The following PDHB variants were observed in gnomAD, a reference collection of about 807,000 sequenced individuals.
PDHB encodes pyruvate dehydrogenase E1 component subunit beta, mitochondrial.
A neutral mutation model predicts 42.8 loss-of-function variants in PDHB; 17 were observed. That is an observed-to-expected ratio of 0.40 (90% CI 0.27 to 0.60). The LOEUF is 0.60. PDHB is among the 20% of genes least tolerant of loss of function. The pLI, the probability that PDHB is intolerant of heterozygous loss-of-function variation, is 0.46. For missense variants in PDHB, 322 were observed against 451.3 expected, an observed-to-expected ratio of 0.71 and a Z score of 2.60; for synonymous variants, 154 against 148.7, an observed-to-expected ratio of 1.04 and a Z score of -0.26.
At position 58,431,878 on chromosome 3, in the gene PDHB, T is replaced by G. The variant is rs200879699; in HGVS notation, c.203A>C (p.Lys68Thr). 6.2e-7 allele frequency: 1 copy of G among 1,610,288 alleles called. No individual in the cohort carries two copies. Among genetic ancestry groups the G allele is most frequent in the South Asian group, 1.1e-5 (1 of 91,016 alleles). ...EEVAQYDGAY[K>T]VSRGLWKKYG... The stretch of plus-strand genomic sequence containing the variant: ...ATAACTTTCATATATTTTAGTTACC[T>G]TGTATGCCCCATCATACTGGGCAAC... The change falls in exon 3 of 10, where the codon AAG becomes ACG. Residue 68 changes from lysine to threonine, a missense_variant and splice_region_variant. Around this residue, in one of 3 missense-constraint regions of PDHB, gnomAD observed 56 missense variants for 124.2 expected, o/e 0.45. Transcript: ENST00000302746. The surrounding 1 kb of genome is among the most constrained non-coding windows in gnomAD (Gnocchi z 4.4).
chr3:58,430,826 C>T lies in PDHB; in HGVS notation c.420G>A (p.Val140=), dbSNP rs752332234. The change falls in exon 6 of 10, where the codon GTG becomes GTA. Residue 140 remains valine, a synonymous_variant. Transcript: ENST00000302746. ...TYYMSGGLQP[V]PIVFRGPNGA... The stretch of plus-strand genomic sequence containing the variant: ...CATTGGGCCCTCTGAAGACTATAGG[C>T]ACAGGCTGAAGGCCACCAGACATGT... The T allele has an allele frequency of 6.2e-7, 1 of 1,614,176 alleles. No homozygotes were observed. The highest frequency in any genetic ancestry group is 8.5e-7 in the Non-Finnish European group (1 of 1,180,006).
chr3:58,432,079 C>A (rs1010841741), intron 2 of PDHB, 95 bp from the exon 3 acceptor site: 8 of 819,602 alleles, frequency 9.8e-6, no homozygotes, highest in Middle Eastern at 2.2e-4. Flanking sequence ...CCACAGCATA[C>A]AATATAAAAA....
intron 6 of PDHB, 104 bp downstream of exon 6, chr3:58,430,553 G>T: frequency 1.1e-6 from 1 of 920,432 alleles, no homozygotes; most frequent in Non-Finnish European, 1.8e-6. Flanking sequence ...CATTCTATAC[G>T]ATATATCTAA....
Position 58,431,796 on chromosome 3 carries a change from A to G in PDHB, c.205-3T>C, listed in dbSNP as rs1377304779. 5 of 1,612,946 alleles carry G rather than the reference A, an allele frequency of 3.1e-6. No individual in the cohort carries two copies. In the African/African-American group the frequency reaches 6.7e-5, roughly 22 times the overall value. On this transcript the variant is annotated splice_region_variant and splice_polypyrimidine_tract_variant and intron_variant, in intron 3 of 9. Transcript: ENST00000302746. The surrounding 1 kb of genome is among the most constrained non-coding windows in gnomAD (Gnocchi z 4.4). ...TTCTTCCACAGCCCTCGACTAACCT[A>G]CAATTAAGAGTTGATCCCTTAAGTG...
Position 58,430,770 on chromosome 3 carries a change from G to A in PDHB, c.476C>T (p.Ser159Leu). 2 of 1,613,910 alleles carry A rather than the reference G, an allele frequency of 1.2e-6. No individual in the cohort carries two copies. The highest frequency in any genetic ancestry group is 1.7e-6 in the Non-Finnish European group (2 of 1,179,730). ...GASAGVAAQH[S>L]QCFAAWYGHC... ...CCCATACCAGGCAGCAAAGCACTGTGAGTGCTGGGCAGCTACACCTGCTGA... is the reference window on the plus strand; with the variant it reads ...CCCATACCAGGCAGCAAAGCACTGTAAGTGCTGGGCAGCTACACCTGCTGA... The change falls in exon 6 of 10, where the codon TCA (serine) becomes TTA (leucine). Residue 159 changes from serine to leucine, a missense_variant. Ser to Leu is a moderately radical substitution (Grantham distance 145). Around this residue, in one of 3 missense-constraint regions of PDHB, gnomAD observed 208 missense variants for 285.0 expected, o/e 0.73. Coordinates refer to ENST00000302746, the MANE Select transcript of PDHB (RefSeq NM_000925.4).
At position 58,431,622 on chromosome 3, in the gene PDHB, AGCC is replaced by A. The variant is rs1392237933; in HGVS notation, c.271_273del (p.Gly91del). 2 of 1,608,712 alleles carry A rather than the reference AGCC, an allele frequency of 1.2e-6. No homozygotes were observed. Among genetic ancestry groups the A allele is most frequent in the Non-Finnish European group, 1.7e-6 (2 of 1,176,050 alleles). On this transcript the variant is annotated inframe_deletion, in exon 5 of 10. Transcript: ENST00000302746. This position sits in a 1 kb window ranked among gnomAD's most constrained non-coding sequence, Gnocchi z 4.4. ...GCTGCACCTACAGCAATTCCAGCAAAGCCCATCTATAAAGTAAAATATAAACAT... is the reference window on the plus strand; with the variant it reads ...GCTGCACCTACAGCAATTCCAGCAAACATCTATAAAGTAAAATATAAACAT...
chr3:58,429,057 G>A (rs35021151), intron 8 of PDHB, among the ~76,000 whole-genome samples: 3,510 of 152,156 alleles, frequency 0.023, 52 homozygotes, highest in Non-Finnish European at 0.032. Context: ...GTTTCAACAT[G>A]TTGGCCAGAC....
chr3:58,428,752 A>G, intron 8 of PDHB, 138 bp from the exon 9 acceptor site: 1 of 748,014 alleles, frequency 1.3e-6, no homozygotes, highest in Non-Finnish European at 2.2e-6. Context: ...ATACCTATTC[A>G]TGAATGTACA....
chr3:58,428,904 G>C (rs962240549), intron 8 of PDHB: 3 of 392,408 alleles, frequency 7.6e-6, no homozygotes, highest in South Asian at 5.0e-5. Context: ...GTCCAGGCTG[G>C]AGTGCAGTGG....
Position 58,431,266 on chromosome 3 carries a change from G to C in PDHB, c.304-324C>G. 2.2e-6 allele frequency: 1 copy of C among 461,078 alleles called. No homozygotes were observed. The highest frequency in any genetic ancestry group is 3.9e-6 in the Non-Finnish European group (1 of 253,552). The allele number at this position is 461,078 out of a possible 1,614,324, so 28.6% of individuals were successfully genotyped here. ...TAAAAGGTGATGTTAAATCTCTTTGGGGATGGGCACAGTGGCTCACGCCTG... is the reference window on the plus strand; with the variant it reads ...TAAAAGGTGATGTTAAATCTCTTTGCGGATGGGCACAGTGGCTCACGCCTG... On this transcript the variant is annotated intron_variant, in intron 5 of 9. Coordinates refer to ENST00000302746, the MANE Select transcript of PDHB (RefSeq NM_000925.4). The surrounding 1 kb of genome is among the most constrained non-coding windows in gnomAD (Gnocchi z 4.4).
At chr3:58,432,945 G>A (rs1158290192) in intron 2 of PDHB, 1 of 152,706 alleles carries the variant, frequency 6.5e-6, no homozygotes, top group Non-Finnish European at 1.5e-5. Flanking sequence ...GTTGCAGTGA[G>A]CTGAGATCGC....
At position 58,430,764 on chromosome 3, in the gene PDHB, C is replaced by G; in HGVS notation, c.482G>C (p.Cys161Ser). The change falls in exon 6 of 10, where the codon TGC becomes TCC. Residue 161 changes from cysteine to serine, a missense_variant. Cys to Ser is a moderately radical substitution (Grantham distance 112). This residue lies in a region of PDHB where 208 missense variants were observed against 285.0 expected (regional missense o/e 0.73). Transcript: ENST00000302746. The part of the protein sequence containing the change: ...SAGVAAQHSQ[C>S]FAAWYGHCPG... ...GCAGTGCCCATACCAGGCAGCAAAG[C>G]ACTGTGAGTGCTGGGCAGCTACACC... 6.2e-7 allele frequency: 1 copy of G among 1,614,174 alleles called. No homozygotes were observed. The highest frequency in any genetic ancestry group is 8.5e-7 in the Non-Finnish European group (1 of 1,179,994).
chr3:58,430,629 A>C, intron 6 of PDHB, 28 bp downstream of exon 6: 2 of 1,605,920 alleles, frequency 1.2e-6, no homozygotes, highest in South Asian at 2.2e-5. Context: ...TCAATCTTCA[A>C]AAAAAACCAA....
In PDHB at chr3:58,431,049, AT is replaced by A; in HGVS notation, c.304-108del. 1.8e-6 allele frequency: 2 copies of A among 1,088,544 alleles called. No individual in the cohort carries two copies. Among genetic ancestry groups the A allele is most frequent in the Non-Finnish European group, 2.7e-6 (2 of 732,552 alleles). The allele number at this position is 1,088,544 out of a possible 1,614,324, so 67.4% of individuals were successfully genotyped here. A position where few individuals can be genotyped will look rare whatever the true frequency, so the allele number is the denominator to read the frequency against. On this transcript the variant is annotated intron_variant, in intron 5 of 9. Transcript: ENST00000302746. This position sits in a 1 kb window ranked among gnomAD's most constrained non-coding sequence, Gnocchi z 4.4. ...CATTCAAATAATGTTTTTATTTTTT[AT>A]TTTTATTTTTTATGGACAGGGTCTC...
chr3:58,431,452 G>T lies in PDHB; in HGVS notation c.303+141C>A. 2 of 744,648 alleles carry T rather than the reference G, an allele frequency of 2.7e-6. No homozygotes were observed. The highest frequency in any genetic ancestry group is 2.5e-5 in the East Asian group (1 of 39,790). The allele number at this position is 744,648 out of a possible 1,614,324, so 46.1% of individuals were successfully genotyped here. On this transcript the variant is annotated intron_variant, in intron 5 of 9. Transcript: ENST00000302746. This position sits in a 1 kb window ranked among gnomAD's most constrained non-coding sequence, Gnocchi z 4.4. Reference sequence around the variant, plus strand: ...AACCCCAGCCACTATGGAGGCTGAGGCAGGAGAATTGCTTGAACCTGGAAG... The same window carrying T: ...AACCCCAGCCACTATGGAGGCTGAGTCAGGAGAATTGCTTGAACCTGGAAG...
chr3:58,427,830 G>A lies in PDHB; in HGVS notation c.*204C>T. ...TTCAAAGAACATGGCAACCGTAACA[G>A]ACAAAAGGAAGCATGGCATCTAGGG... On this transcript the variant is annotated 3_prime_UTR_variant, in exon 10 of 10. Transcript: ENST00000302746. 1.5e-6 allele frequency: 1 copy of A among 646,346 alleles called. No homozygotes were observed. The highest frequency in any genetic ancestry group is 2.8e-6 in the Non-Finnish European group (1 of 351,790). The allele number at this position is 646,346 out of a possible 1,614,324, so 40.0% of individuals were successfully genotyped here.
chr3:58,432,065 C>G (rs1291745741), intron 2 of PDHB, 81 bp from the exon 3 acceptor site: 2 of 896,692 alleles, frequency 2.2e-6, no homozygotes, highest in Non-Finnish European at 3.7e-6. Context: ...TTTACCTAGG[C>G]TGCCCACAGC....
At chr3:58,430,587 T>C (rs1489788976) in intron 6 of PDHB, 70 bp downstream of exon 6, 1 of 1,251,042 alleles carries the variant, frequency 8.0e-7, no homozygotes, top group East Asian at 2.3e-5. Flanking sequence ...ACTTTAATGG[T>C]TTCCTCTGTG....
intron 8 of PDHB, among the ~76,000 whole-genome samples, chr3:58,429,193 T>C (rs969943541): frequency 1.3e-5 from 2 of 152,224 alleles, no homozygotes; most frequent in African/African-American, 2.4e-5. Flanking sequence ...AGCACTACAC[T>C]AAGTGTAATT....
Sources: gnomAD v4.1 joint callset for allele counts (sites outside exome capture counted in the v4.1 genomes callset) on GRCh38, gnomAD v4.1.1 for gene constraint, gnomAD v4.1.1 regional missense constraint, Gnocchi (gnomAD v3.1) non-coding constraint, MANE v1.5 for transcripts, NCBI Gene and HGNC (gene_info 2026-07-23, HGNC 2026-07-21) for gene names.